Variants in INPP4A observed in about 807,000 individuals in gnomAD.
INPP4A encodes inositol polyphosphate-4-phosphatase, type I, 107kD.
A neutral mutation model predicts 119.8 loss-of-function variants in INPP4A; 33 were observed. That is an observed-to-expected ratio of 0.28 (90% CI 0.21 to 0.37). The LOEUF (loss-of-function observed/expected upper bound fraction) is 0.37. Ranked by LOEUF, INPP4A falls within the 10% of genes least tolerant of loss-of-function variation. INPP4A has a pLI of 1.00. For missense variants in INPP4A, 956 were observed against 1,289.9 expected, an observed-to-expected ratio of 0.74 and a Z score of 3.97; for synonymous variants, 496 against 500.7, an observed-to-expected ratio of 0.99 and a Z score of 0.12.
At chr2:98,571,991 C>T (rs1446995465) in intron 22 of INPP4A, 1 of 152,500 alleles carries the variant, frequency 6.6e-6, no homozygotes, top group Non-Finnish European at 1.5e-5. Flanking sequence ...TAGCACAGGA[C>T]CTGTGTACGC....
intron 22 of INPP4A, among the ~76,000 whole-genome samples, chr2:98,572,476 T>C (rs1697639245): frequency 6.6e-6 from 1 of 152,198 alleles, no homozygotes; most frequent in African/African-American, 2.4e-5. Flanking sequence ...GACGACCAGC[T>C]GGATCCCTCT....
Position 98,590,477 on chromosome 2 carries a change from G to T in INPP4A, c.*2869G>T. 1 of 191,246 alleles carries T rather than the reference G, an allele frequency of 5.2e-6. No homozygotes were observed. Among genetic ancestry groups the T allele is most frequent in the Non-Finnish European group, 1.1e-5 (1 of 91,342 alleles). The allele number at this position is 191,246 out of a possible 1,614,324, so 11.8% of individuals were successfully genotyped here. ...TCCGTTTCCTCATGTGCAAAGTGTG[G>T]ACAACAACAGTACCTTCCTCATAAG... On this transcript the variant is annotated 3_prime_UTR_variant, in exon 25 of 25. Transcript: ENST00000409851.
At position 98,539,010 on chromosome 2, in the gene INPP4A, G is replaced by A. The variant is rs754193719; in HGVS notation, c.670+29G>A. 4.2e-6 allele frequency: 6 copies of A among 1,429,226 alleles called. No homozygotes were observed. The South Asian group carries it at 7.3e-5, about 17-fold the overall frequency. The allele number at this position is 1,429,226 out of a possible 1,614,324, so 88.5% of individuals were successfully genotyped here. A position where few individuals can be genotyped will look rare whatever the true frequency, so the allele number is the denominator to read the frequency against. ...AACAGCTTCCTCCTTTGGTATTCTT[G>A]CCTCTCTAGTGAGTATCCACTTGGG... On this transcript the variant is annotated intron_variant, in intron 9 of 24. Coordinates refer to ENST00000409851, the MANE Select transcript of INPP4A (RefSeq NM_001134225.2).
rs1690465696 is a variant in INPP4A, at chr2:98,537,238, G to A, written c.468-625G>A. ...TTAAGTGAGACCTTGTAAATAGAAAGCCTGAAGTTCCAGGGTGTCCCCAGG... is the reference window on the plus strand; with the variant it reads ...TTAAGTGAGACCTTGTAAATAGAAAACCTGAAGTTCCAGGGTGTCCCCAGG... On this transcript the variant is annotated intron_variant, in intron 7 of 24. Transcript: ENST00000409851. Among the ~76,000 whole-genome samples the A allele has an allele frequency of 1.3e-5, 2 of 152,226 alleles. 1 individual carries two copies. Among genetic ancestry groups the A allele is most frequent in the South Asian group, 4.1e-4 (2 of 4,838 alleles).
chr2:98,495,445 A>G (rs987154408), intron 1 of INPP4A, among the ~76,000 whole-genome samples: 14 of 152,244 alleles, frequency 9.2e-5, no homozygotes, highest in Admixed American at 1.3e-4. Context: ...CAAACTCTGT[A>G]AAATATTTGA....
chr2:98,503,715 C>T (rs966271435), intron 1 of INPP4A, among the ~76,000 whole-genome samples: 3 of 152,210 alleles, frequency 2.0e-5, no homozygotes, highest in Admixed American at 6.5e-5. Context: ...TTACAGACTC[C>T]TTTGGACACT....
intron 1 of INPP4A, among the ~76,000 whole-genome samples, chr2:98,479,718 T>A (rs1678014114): frequency 6.6e-6 from 1 of 152,176 alleles, no homozygotes; most frequent in Non-Finnish European, 1.5e-5. Flanking sequence ...GAATTCGGGG[T>A]ACACAGGATA....
intron 11 of INPP4A, 143 bp downstream of exon 11, chr2:98,544,150 C>A: frequency 1.5e-6 from 1 of 677,102 alleles, no homozygotes; most frequent in Non-Finnish European, 2.3e-6. Flanking sequence ...CTGACAGACA[C>A]TTTAATGGAT....
At chr2:98,492,998 G>A (rs1681157967) in intron 1 of INPP4A, among the ~76,000 whole-genome samples, 1 of 152,176 alleles carries the variant, frequency 6.6e-6, no homozygotes, top group Admixed American at 6.5e-5. Flanking sequence ...ATGGGCAATG[G>A]TTTTATCCTG....
intron 24 of INPP4A, chr2:98,581,433 AT>A (rs972621727): frequency 1.5e-3 from 1,252 of 841,574 alleles, no homozygotes; most frequent in South Asian, 1.8e-3. Context: ...ACTTCATTTC[AT>A]TTTTTTTTAA....
At chr2:98,472,040 G>A (rs767501809) in intron 1 of INPP4A, among the ~76,000 whole-genome samples, 1 of 152,232 alleles carries the variant, frequency 6.6e-6, no homozygotes, top group Non-Finnish European at 1.5e-5. Flanking sequence ...GGAATCAAGA[G>A]TTTCAGCTGG....
intron 1 of INPP4A, among the ~76,000 whole-genome samples, chr2:98,484,253 A>T (rs3769733): frequency 6.6e-6 from 1 of 151,694 alleles, no homozygotes; most frequent in East Asian, 1.9e-4. Context: ...TTCCTCTCCC[A>T]TGGTCATTCC....
At chr2:98,556,424 C>T (rs538844830) in intron 16 of INPP4A, among the ~76,000 whole-genome samples, 1 of 152,348 alleles carries the variant, frequency 6.6e-6, no homozygotes, top group East Asian at 1.9e-4. Context: ...CATGAAGCAG[C>T]ATGCTTCAGA....
At chr2:98,461,853 C>T (rs1697214428) in intron 1 of INPP4A, among the ~76,000 whole-genome samples, 1 of 152,230 alleles carries the variant, frequency 6.6e-6, no homozygotes, top group Non-Finnish European at 1.5e-5. Flanking sequence ...TGGCCTGCTG[C>T]CAGGCTGTGC....
At chr2:98,582,575 CAGAAAGATCACCTACTGCATACGCCAA>C (rs1699468810) in intron 24 of INPP4A, among the ~76,000 whole-genome samples, 2 of 149,258 alleles carry the variant, frequency 1.3e-5, no homozygotes, top group Non-Finnish European at 3.0e-5. Flanking sequence ...ACGCCAGACA[CAGAAAGATCACCTACTGCATACGCCAA>C]AGAAAGATCA....
chr2:98,559,033 C>G (rs548790844), intron 16 of INPP4A, among the ~76,000 whole-genome samples: 2 of 152,196 alleles, frequency 1.3e-5, no homozygotes, highest in South Asian at 4.1e-4. Context: ...TGGGACTGAC[C>G]GTGGAACACG....
intron 1 of INPP4A, among the ~76,000 whole-genome samples, chr2:98,492,525 A>C (rs1284896011): frequency 6.6e-6 from 1 of 152,098 alleles, no homozygotes; most frequent in Non-Finnish European, 1.5e-5. Flanking sequence ...TTCCTGTCTT[A>C]CTCATAGAAT....
chr2:98,510,418 A>T (rs906719844), intron 1 of INPP4A, among the ~76,000 whole-genome samples: 8 of 152,212 alleles, frequency 5.3e-5, no homozygotes. Flanking sequence ...CCATGTCCCT[A>T]TCCAAGGTAT....
chr2:98,509,799 A>G (rs929899871), intron 1 of INPP4A, among the ~76,000 whole-genome samples: 2 of 152,228 alleles, frequency 1.3e-5, no homozygotes, highest in Non-Finnish European at 2.9e-5. Context: ...CTTATTTTCA[A>G]ACTGCTTCTT....
Sources: gnomAD v4.1 joint callset for allele counts (sites outside exome capture counted in the v4.1 genomes callset) on GRCh38, gnomAD v4.1.1 for gene constraint, MANE v1.5 for transcripts, NCBI Gene and HGNC (gene_info 2026-07-23, HGNC 2026-07-21) for gene names.